The following CYP39A1 variants were observed in gnomAD, a reference collection of about 807,000 sequenced individuals.
The protein encoded by CYP39A1 is 24-hydroxycholesterol 7-alpha-hydroxylase.
Under a neutral mutation model 58.1 loss-of-function variants are expected in CYP39A1, and 49 were observed. That is an observed-to-expected ratio of 0.84 (90% CI 0.67 to 1.07). CYP39A1 has a LOEUF of 1.07. Ranked by LOEUF, CYP39A1 falls within the 50% of genes least tolerant of loss-of-function variation. CYP39A1 has a pLI of 0.00. For synonymous variants in CYP39A1, 209 were observed against 187.6 expected (o/e 1.11, Z -0.93); for missense variants, 531 against 539.4 (o/e 0.98, Z 0.16).
At chr6:46,593,692 A>AT (rs1244927617) in intron 8 of CYP39A1, among the ~76,000 whole-genome samples, 1 of 152,168 alleles carries the variant, frequency 6.6e-6, no homozygotes, top group Non-Finnish European at 1.5e-5. Context: ...CTGCATATAA[A>AT]AAAGCAAACA....
intron 10 of CYP39A1, among the ~76,000 whole-genome samples, chr6:46,584,972 C>G (rs1308455393): frequency 6.6e-6 from 1 of 152,116 alleles, no homozygotes; most frequent in Non-Finnish European, 1.5e-5. Context: ...ACATGTCTTA[C>G]TCATGCTCAA....
chr6:46,568,199 A>C (rs1771397758), intron 10 of CYP39A1, among the ~76,000 whole-genome samples: 1 of 152,008 alleles, frequency 6.6e-6, no homozygotes, highest in South Asian at 2.1e-4. Context: ...CCATTTGTGT[A>C]TGTTCTCTGG....
chr6:46,633,527 T>C (rs1775779979), intron 5 of CYP39A1, among the ~76,000 whole-genome samples: 1 of 152,166 alleles, frequency 6.6e-6, no homozygotes, highest in African/African-American at 2.4e-5. Context: ...TCTTTTAAAT[T>C]TCTTCTTAGC....
intron 7 of CYP39A1, among the ~76,000 whole-genome samples, chr6:46,609,040 T>A: frequency 6.6e-6 from 1 of 152,196 alleles, no homozygotes; most frequent in East Asian, 1.9e-4. Context: ...TAAACACTTT[T>A]GTACAATTAT....
intron 1 of CYP39A1, among the ~76,000 whole-genome samples, chr6:46,651,340 T>G (rs187233698): frequency 2.0e-5 from 3 of 152,154 alleles, no homozygotes; most frequent in Non-Finnish European, 4.4e-5. Context: ...TATCCTCCTA[T>G]GACAAAATAT....
rs1447267415 is a variant in CYP39A1, at chr6:46,652,734, T to C, written c.-152A>G. On this transcript the variant is annotated 5_prime_UTR_variant, in exon 1 of 12. Coordinates refer to ENST00000275016, the MANE Select transcript of CYP39A1 (RefSeq NM_016593.5). ...CTTCGTAACTGTAGCTTCCTTCCTC[T>C]GTCCCAGTTTTCAGGTGATTTTTCC... 1 of 646,176 alleles carries C rather than the reference T, an allele frequency of 1.5e-6. No individual in the cohort carries two copies. Among genetic ancestry groups the C allele is most frequent in the Non-Finnish European group, 2.5e-6 (1 of 394,362 alleles). The allele number at this position is 646,176 out of a possible 1,614,324, so 40.0% of individuals were successfully genotyped here.
chr6:46,587,761 C>T (rs1430574359), intron 9 of CYP39A1, among the ~76,000 whole-genome samples: 1 of 152,138 alleles, frequency 6.6e-6, no homozygotes, highest in African/African-American at 2.4e-5. Context: ...CTATCAAAAA[C>T]AGGCTTATTC....
chr6:46,578,564 A>G (rs1771964507), intron 10 of CYP39A1, among the ~76,000 whole-genome samples: 1 of 152,068 alleles, frequency 6.6e-6, no homozygotes, highest in Admixed American at 6.6e-5. Flanking sequence ...AAAAAAAAAG[A>G]GAAAAGATCC....
chr6:46,602,689 CA>C (rs35833432), intron 7 of CYP39A1, among the ~76,000 whole-genome samples: 11,162 of 47,194 alleles, frequency 0.24, 237 homozygotes, highest in African/African-American at 0.27. Context: ...GTGCACGTCT[CA>C]AAAAAAAAAA....
At chr6:46,648,823 AC>A (rs900736186) in intron 1 of CYP39A1, among the ~76,000 whole-genome samples, 18 of 152,240 alleles carry the variant, frequency 1.2e-4, no homozygotes, top group Non-Finnish European at 2.1e-4. Flanking sequence ...AAAAAAAAAA[AC>A]AAATAATGTT....
chr6:46,551,645 G>A (rs1462624632), intron 11 of CYP39A1, among the ~76,000 whole-genome samples: 1 of 152,086 alleles, frequency 6.6e-6, no homozygotes, highest in African/African-American at 2.4e-5. Flanking sequence ...AATTAAAATT[G>A]GAGATTCTAG....
At chr6:46,623,778 G>T (rs1469275016) in intron 7 of CYP39A1, among the ~76,000 whole-genome samples, 1 of 151,978 alleles carries the variant, frequency 6.6e-6, no homozygotes, top group African/African-American at 2.4e-5. Context: ...AGCTTCCAAA[G>T]ATCTGTGGAC....
chr6:46,618,820 C>T (rs1774775295), intron 7 of CYP39A1, among the ~76,000 whole-genome samples: 2 of 152,058 alleles, frequency 1.3e-5, no homozygotes, highest in African/African-American at 4.8e-5. Context: ...GATTGCTCCT[C>T]TCCCTCTCGG....
intron 7 of CYP39A1, among the ~76,000 whole-genome samples, chr6:46,613,868 G>A (rs776026401): frequency 1.3e-5 from 2 of 148,482 alleles, no homozygotes; most frequent in Non-Finnish European, 3.0e-5. Flanking sequence ...GAGTACTTAC[G>A]CTGTCAATTA....
At chr6:46,568,831 C>T (rs1771431299) in intron 10 of CYP39A1, among the ~76,000 whole-genome samples, 1 of 151,898 alleles carries the variant, frequency 6.6e-6, no homozygotes, top group Non-Finnish European at 1.5e-5. Flanking sequence ...GAGAGTCCTC[C>T]ATTTTGTTCT....
intron 10 of CYP39A1, among the ~76,000 whole-genome samples, chr6:46,578,434 A>G (rs1454471789): frequency 1.3e-5 from 2 of 151,926 alleles, no homozygotes; most frequent in Non-Finnish European, 2.9e-5. Flanking sequence ...GGAGTTGACC[A>G]AAACTGAGAT....
At chr6:46,630,108 C>G (rs1266804264) in intron 6 of CYP39A1, among the ~76,000 whole-genome samples, 4 of 148,964 alleles carry the variant, frequency 2.7e-5, no homozygotes. Flanking sequence ...AAAAACAAAA[C>G]AAAACAAAAC....
intron 7 of CYP39A1, among the ~76,000 whole-genome samples, chr6:46,613,149 G>A (rs1774317657): frequency 6.6e-6 from 1 of 152,196 alleles, no homozygotes; most frequent in Non-Finnish European, 1.5e-5. Context: ...CACTTTACTA[G>A]TGTTTATACT....
chr6:46,627,530 T>C (rs948589028), intron 6 of CYP39A1, among the ~76,000 whole-genome samples: 1 of 152,038 alleles, frequency 6.6e-6, no homozygotes, highest in Non-Finnish European at 1.5e-5. Context: ...ACCATTCTTC[T>C]GCCTCAGCCT....
Sources: gnomAD v4.1 joint callset for allele counts (sites outside exome capture counted in the v4.1 genomes callset) on GRCh38, gnomAD v4.1.1 for gene constraint, MANE v1.5 for transcripts, NCBI Gene and HGNC (gene_info 2026-07-23, HGNC 2026-07-21) for gene names.